VSTM4: variants seen among roughly 807,000 people sequenced by gnomAD.
The protein encoded by VSTM4 is V-set and transmembrane domain-containing protein 4.
In VSTM4, 20 loss-of-function variants were observed where a neutral mutation model predicts 36.4. The ratio of observed to expected loss-of-function variants is 0.55; its 90% confidence interval spans 0.39 to 0.80. VSTM4 has a LOEUF of 0.80. Ranked by LOEUF, VSTM4 falls within the 30% of genes least tolerant of loss-of-function variation. The pLI is 0.00. For synonymous variants in VSTM4, 182 were observed against 173.9 expected (o/e 1.05, Z -0.37); for missense variants, 392 against 404.5 (o/e 0.97, Z 0.26).
In VSTM4 at chr10:49,102,325, G is replaced by A. The variant is rs1040402798; in HGVS notation, c.457+5269C>T. On this transcript the variant is annotated intron_variant, in intron 2 of 7. Transcript: ENST00000332853. Reference sequence around the variant, plus strand: ...CTAATTTTTGTATTTTTGTAGAGATGGGGTTTCACCATGTTGGCCAGGCTG... The same window carrying A: ...CTAATTTTTGTATTTTTGTAGAGATAGGGTTTCACCATGTTGGCCAGGCTG... 14 of 775,478 alleles carry A rather than the reference G, an allele frequency of 1.8e-5. 1 individual carries two copies. The African/African-American group carries it at 1.9e-4, about 10-fold the overall frequency. 48.0% of individuals were successfully genotyped at this position (775,478 alleles called of 1,614,324 possible).
At chr10:49,093,862 C>T (rs1383569265) in intron 2 of VSTM4, among the ~76,000 whole-genome samples, 1 of 151,570 alleles carries the variant, frequency 6.6e-6, no homozygotes, top group Non-Finnish European at 1.5e-5. Flanking sequence ...GTCCTCCTGC[C>T]TCAGCCTCCC....
At chr10:49,029,316 A>G (rs1209860938) in intron 7 of VSTM4, among the ~76,000 whole-genome samples, 1 of 152,278 alleles carries the variant, frequency 6.6e-6, no homozygotes, top group Non-Finnish European at 1.5e-5. Context: ...ATAAAAATAA[A>G]GAAACAAAAG....
intron 7 of VSTM4, among the ~76,000 whole-genome samples, chr10:49,030,361 C>T (rs955879929): frequency 6.6e-6 from 1 of 152,126 alleles, no homozygotes. Flanking sequence ...GTGCCTTGAC[C>T]CAGGGTCCAG....
chr10:49,089,572 A>G (rs1844434957), intron 2 of VSTM4, among the ~76,000 whole-genome samples: 1 of 152,174 alleles, frequency 6.6e-6, no homozygotes, highest in African/African-American at 2.4e-5. Context: ...AGAGCTAACA[A>G]ACTGGGATTC....
rs576158618 is a variant in VSTM4, at chr10:49,049,399, C to T, written c.669-815G>A. On this transcript the variant is annotated intron_variant, in intron 5 of 7. Coordinates refer to ENST00000332853, the MANE Select transcript of VSTM4 (RefSeq NM_001031746.5). ...GGAAAGCTGCAAACATACACTGCTCCGATATGAAACTTGTTCTCGGTGCTA... is the reference window on the plus strand; with the variant it reads ...GGAAAGCTGCAAACATACACTGCTCTGATATGAAACTTGTTCTCGGTGCTA... Among the ~76,000 whole-genome samples, 5 of 152,154 alleles carry T rather than the reference C, an allele frequency of 3.3e-5. No homozygotes were observed. In the South Asian group the frequency reaches 8.3e-4, roughly 25 times the overall value.
intron 4 of VSTM4, among the ~76,000 whole-genome samples, chr10:49,069,523 A>C (rs566156244): frequency 6.6e-6 from 1 of 152,146 alleles, no homozygotes; most frequent in Non-Finnish European, 1.5e-5. Context: ...CACCTCCCTC[A>C]TTCAGGGCTC....
At chr10:49,113,869 T>C (rs1433753257) in intron 1 of VSTM4, among the ~76,000 whole-genome samples, 1 of 152,132 alleles carries the variant, frequency 6.6e-6, no homozygotes, top group Non-Finnish European at 1.5e-5. Flanking sequence ...GGAGCTCTTA[T>C]CATCCTCCAG....
chr10:49,034,550 G>A (rs566247169), intron 7 of VSTM4, among the ~76,000 whole-genome samples: 107 of 152,182 alleles, frequency 7.0e-4, no homozygotes, highest in African/African-American at 2.5e-3. Context: ...ATTTTAAGAA[G>A]TTATAATAAT....
At chr10:49,033,830 C>G (rs560958627) in intron 7 of VSTM4, among the ~76,000 whole-genome samples, 1 of 152,212 alleles carries the variant, frequency 6.6e-6, no homozygotes, top group Non-Finnish European at 1.5e-5. Flanking sequence ...AGCACTGGAA[C>G]AGTGTCTGCA....
At chr10:49,044,639 C>T (rs1481951700) in intron 7 of VSTM4, among the ~76,000 whole-genome samples, 3 of 152,150 alleles carry the variant, frequency 2.0e-5, no homozygotes, top group Non-Finnish European at 4.4e-5. Flanking sequence ...GAGATATGTC[C>T]TGCCAGTCTG....
At chr10:49,066,150 C>T (rs1219438656) in intron 4 of VSTM4, among the ~76,000 whole-genome samples, 1 of 152,126 alleles carries the variant, frequency 6.6e-6, no homozygotes. Context: ...AGAATGCATT[C>T]TCTTAGAACA....
intron 7 of VSTM4, among the ~76,000 whole-genome samples, chr10:49,026,600 T>C (rs1177757694): frequency 1.3e-5 from 2 of 152,202 alleles, no homozygotes; most frequent in South Asian, 2.1e-4. Flanking sequence ...GTTTCATCTC[T>C]GGGTGCCACC....
Position 49,062,304 on chromosome 10 carries a change from G to T in VSTM4, c.668+2399C>A, listed in dbSNP as rs553857327. Among the ~76,000 whole-genome samples the T allele has an allele frequency of 9.2e-5, 12 of 130,536 alleles. No individual in the cohort carries two copies. The South Asian group carries it at 2.8e-3, about 30-fold the overall frequency. The allele number at this position is 130,536 out of a possible 152,430, so 85.6% of individuals were successfully genotyped here. A position where few individuals can be genotyped will look rare whatever the true frequency, so the allele number is the denominator to read the frequency against. On this transcript the variant is annotated intron_variant, in intron 5 of 7. Transcript: ENST00000332853. ...CCATTATTCCTTCTTCCTTCCTAAGGCTCCAACATTTTTTTCTGTTTCAAG... is the reference window on the plus strand; with the variant it reads ...CCATTATTCCTTCTTCCTTCCTAAGTCTCCAACATTTTTTTCTGTTTCAAG...
chr10:49,111,698 C>A (rs1051437370), intron 1 of VSTM4, among the ~76,000 whole-genome samples: 3 of 152,212 alleles, frequency 2.0e-5, no homozygotes, highest in South Asian at 4.1e-4. Context: ...CTGCTTCCTC[C>A]AGCTTAAGCC....
chr10:49,098,835 C>T (rs1356952576), intron 2 of VSTM4, among the ~76,000 whole-genome samples: 1 of 152,204 alleles, frequency 6.6e-6, no homozygotes, highest in African/African-American at 2.4e-5. Context: ...CAGATCCACC[C>T]ATGTGTTTCT....
At chr10:49,065,713 G>A (rs992205359) in intron 4 of VSTM4, among the ~76,000 whole-genome samples, 6 of 152,196 alleles carry the variant, frequency 3.9e-5, no homozygotes, top group East Asian at 1.9e-4. Flanking sequence ...GCTGAGACCA[G>A]CAGAAGAAAT....
At chr10:49,110,911 A>C (rs1844881980) in intron 1 of VSTM4, among the ~76,000 whole-genome samples, 1 of 152,202 alleles carries the variant, frequency 6.6e-6, no homozygotes, top group Non-Finnish European at 1.5e-5. Context: ...TGTTCACAGC[A>C]AGCTTCATTC....
At position 49,019,535 on chromosome 10, in the gene VSTM4, C is replaced by G. The variant is rs902945843; in HGVS notation, c.*115G>C. On this transcript the variant is annotated 3_prime_UTR_variant, in exon 8 of 8. Transcript: ENST00000332853. ...CACCCAGAATGCTGCTGAAAAGGGG[C>G]TCCCCACCACTCAGAAGGCATGAGT... 6 of 1,393,532 alleles carry G rather than the reference C, an allele frequency of 4.3e-6. No individual in the cohort carries two copies. The African/African-American group carries it at 8.7e-5, about 20-fold the overall frequency. 86.3% of individuals were successfully genotyped at this position (1,393,532 alleles called of 1,614,324 possible).
intron 2 of VSTM4, among the ~76,000 whole-genome samples, chr10:49,095,028 C>T (rs998453678): frequency 2.0e-5 from 3 of 152,110 alleles, no homozygotes; most frequent in African/African-American, 7.2e-5. Flanking sequence ...TTTCCTACCG[C>T]ATTCAGTCCA....
Sources: allele counts gnomAD v4.1 joint callset (sites outside exome capture counted in the v4.1 genomes callset), GRCh38; gene constraint gnomAD v4.1.1; transcripts MANE v1.5; gene names NCBI Gene and HGNC (gene_info 2026-07-23, HGNC 2026-07-21).